The following MAP4K5 variants were observed in gnomAD, a reference collection of about 807,000 sequenced individuals.
MAP4K5 encodes MAPK/ERK kinase kinase kinase 5.
A neutral mutation model predicts 135.6 loss-of-function variants in MAP4K5; 82 were observed. The observed-to-expected ratio is 0.60, with a 90% CI of 0.51 to 0.73. The LOEUF (loss-of-function observed/expected upper bound fraction) is 0.73. Among genes scored for constraint, MAP4K5 ranks in the 30% least tolerant of loss-of-function variants. The pLI is 0.00. For synonymous variants in MAP4K5, 347 were observed against 335.0 expected (o/e 1.04, Z -0.39); for missense variants, 907 against 1,010.9 (o/e 0.90, Z 1.39).
intron 32 of MAP4K5, among the ~76,000 whole-genome samples, chr14:50,421,932 C>A (rs567626414): frequency 1.3e-5 from 2 of 151,788 alleles, no homozygotes; most frequent in East Asian, 3.9e-4. Flanking sequence ...TGCTCTGTCG[C>A]CCAGGCTGAA....
intron 26 of MAP4K5, among the ~76,000 whole-genome samples, chr14:50,436,984 G>A (rs1362232072): frequency 1.3e-5 from 2 of 151,776 alleles, no homozygotes; most frequent in African/African-American, 2.4e-5. Flanking sequence ...AATTGTAATC[G>A]TAACTATGAG....
intron 26 of MAP4K5, among the ~76,000 whole-genome samples, chr14:50,437,102 G>GTGTGAAC (rs2036112346): frequency 6.6e-6 from 1 of 152,052 alleles, no homozygotes; most frequent in South Asian, 2.1e-4. Flanking sequence ...GGGTGTTCTT[G>GTGTGAAC]TGTGAACTGT....
At chr14:50,443,466 T>C (rs1215077743) in intron 20 of MAP4K5, among the ~76,000 whole-genome samples, 1 of 152,198 alleles carries the variant, frequency 6.6e-6, no homozygotes, top group Non-Finnish European at 1.5e-5. Flanking sequence ...CACAGTACTA[T>C]TAATATCATC....
intron 31 of MAP4K5, 56 bp from the exon 32 acceptor site, chr14:50,423,232 C>A: frequency 1.4e-6 from 1 of 696,592 alleles, no homozygotes; most frequent in South Asian, 2.0e-5. Flanking sequence ...GCCTTAATAA[C>A]AATTTAAAAT....
chr14:50,429,143 T>C (rs767726164), intron 29 of MAP4K5, 49 bp downstream of exon 29: 42 of 989,354 alleles, frequency 4.2e-5, no homozygotes, highest in Middle Eastern at 2.2e-4. Flanking sequence ...AATAAAAAAA[T>C]TGCTTTATCA....
At chr14:50,525,661 C>T (rs2038248559) in intron 2 of MAP4K5, among the ~76,000 whole-genome samples, 1 of 152,032 alleles carries the variant, frequency 6.6e-6, no homozygotes, top group Admixed American at 6.6e-5. Context: ...CATGGCGAAA[C>T]CCCACCTTTA....
At chr14:50,551,341 C>T (rs2038699573) in intron 1 of MAP4K5, among the ~76,000 whole-genome samples, 1 of 78,330 alleles carries the variant, frequency 1.3e-5, no homozygotes, top group South Asian at 4.3e-4. Context: ...AATAGAAACT[C>T]TGAACAGACC....
In MAP4K5 at chr14:50,448,769, C is replaced by T; in HGVS notation, c.1074+5G>A. The T allele has an allele frequency of 1.3e-6, 2 of 1,536,760 alleles. No individual in the cohort carries two copies. Among genetic ancestry groups the T allele is most frequent in the South Asian group, 2.5e-5 (2 of 81,036 alleles). ...GAAAATAATGCTTTAAAAATGAATT[C>T]TTACCATTTCATCTCGTGCTTCTGT... On this transcript the variant is annotated splice_donor_5th_base_variant and intron_variant, in intron 15 of 32. Coordinates refer to ENST00000682126, the MANE Select transcript of MAP4K5 (RefSeq NM_006575.6).
intron 2 of MAP4K5, among the ~76,000 whole-genome samples, chr14:50,517,078 T>C (rs533315702): frequency 3.9e-5 from 6 of 152,272 alleles, no homozygotes; most frequent in East Asian, 3.9e-4. Context: ...ACAAAAATGA[T>C]AGTAGTTATA....
At chr14:50,521,174 G>A (rs1257290602) in intron 2 of MAP4K5, among the ~76,000 whole-genome samples, 2 of 152,206 alleles carry the variant, frequency 1.3e-5, no homozygotes, top group East Asian at 1.9e-4. Context: ...ATGGAAACAT[G>A]AGGGTCAGAG....
At chr14:50,454,002 A>G (rs2036547284) in intron 14 of MAP4K5, among the ~76,000 whole-genome samples, 1 of 152,204 alleles carries the variant, frequency 6.6e-6, no homozygotes, top group Non-Finnish European at 1.5e-5. Flanking sequence ...TACAGTAGTC[A>G]TAATAGCCCA....
chr14:50,439,923 C>T, intron 23 of MAP4K5, 90 bp downstream of exon 23: 4 of 1,232,586 alleles, frequency 3.2e-6, no homozygotes, highest in Non-Finnish European at 4.4e-6. Flanking sequence ...TATAGTCATC[C>T]AGAATTACAA....
At chr14:50,456,465 G>T in intron 14 of MAP4K5, 51 bp downstream of exon 14, 1 of 1,276,980 alleles carries the variant, frequency 7.8e-7, no homozygotes, top group Non-Finnish European at 1.1e-6. Flanking sequence ...ACAAGAACAC[G>T]CAGCACAACC....
At chr14:50,467,601 A>G (rs1202673078) in intron 10 of MAP4K5, among the ~76,000 whole-genome samples, 1 of 151,880 alleles carries the variant, frequency 6.6e-6, no homozygotes, top group Non-Finnish European at 1.5e-5. Flanking sequence ...ACATATTTAG[A>G]TTTTTTCCCT....
At chr14:50,451,359 T>C (rs2036481887) in intron 14 of MAP4K5, among the ~76,000 whole-genome samples, 2 of 152,222 alleles carry the variant, frequency 1.3e-5, no homozygotes, top group South Asian at 4.1e-4. Flanking sequence ...CGTATATAAC[T>C]GGAGTCCCAG....
At chr14:50,524,729 T>C (rs973446821) in intron 2 of MAP4K5, among the ~76,000 whole-genome samples, 14 of 152,204 alleles carry the variant, frequency 9.2e-5, no homozygotes, top group African/African-American at 2.4e-4. Flanking sequence ...GTAGAGTGCA[T>C]ATAAAGAACT....
intron 9 of MAP4K5, among the ~76,000 whole-genome samples, chr14:50,473,715 A>C (rs1225760578): frequency 4.9e-4 from 51 of 104,708 alleles, no homozygotes; most frequent in African/African-American, 1.7e-3. Context: ...TTTTGGTTTC[A>C]CTTTTTTTTT....
intron 1 of MAP4K5, among the ~76,000 whole-genome samples, chr14:50,557,496 T>C (rs1238923218): frequency 6.6e-6 from 1 of 152,234 alleles, no homozygotes; most frequent in African/African-American, 2.4e-5. Flanking sequence ...GAAATCACTC[T>C]GTATTAGCTT....
At chr14:50,508,847 G>A (rs1210846935) in intron 2 of MAP4K5, among the ~76,000 whole-genome samples, 2 of 152,074 alleles carry the variant, frequency 1.3e-5, no homozygotes, top group Non-Finnish European at 2.9e-5. Context: ...TCTAGAACTA[G>A]AAATACCATT....
Sources: gnomAD v4.1 joint callset for allele counts (sites outside exome capture counted in the v4.1 genomes callset) on GRCh38, gnomAD v4.1.1 for gene constraint, MANE v1.5 for transcripts, NCBI Gene and HGNC (gene_info 2026-07-23, HGNC 2026-07-21) for gene names.